The following ZNF608 variants were observed in gnomAD, a reference collection of about 807,000 sequenced individuals.
ZNF608 encodes renal carcinoma antigen NY-REN-36.
ZNF608 carries 12 observed loss-of-function variants against 109.0 expected under a neutral mutation model. The observed-to-expected ratio is 0.11, with a 90% confidence interval of 0.07 to 0.18. The LOEUF (loss-of-function observed/expected upper bound fraction) is 0.18. Ranked by LOEUF, ZNF608 falls within the 10% of genes least tolerant of loss-of-function variation. The probability of loss-of-function intolerance (pLI) is 1.00; values close to 1 mark genes in which losing one functional copy is unlikely to be tolerated. For missense variants in ZNF608, 1,707 were observed against 1,879.3 expected, an observed-to-expected ratio of 0.91 and a Z score of 1.70; for synonymous variants, 732 against 717.4, an observed-to-expected ratio of 1.02 and a Z score of -0.33.
At chr5:124,661,749 T>C (rs954004540) in intron 3 of ZNF608, among the ~76,000 whole-genome samples, 37 of 152,214 alleles carry the variant, frequency 2.4e-4, no homozygotes, top group Admixed American at 6.5e-4. Flanking sequence ...TGTAAATACG[T>C]GTGTTTACAC....
intron 2 of ZNF608, among the ~76,000 whole-genome samples, chr5:124,711,915 T>C (rs1404341443): frequency 1.3e-5 from 2 of 152,166 alleles, no homozygotes; most frequent in South Asian, 2.1e-4. Flanking sequence ...CGATTGTTAA[T>C]GTGGTAAAAA....
chr5:124,706,866 C>T (rs768329849), intron 2 of ZNF608, among the ~76,000 whole-genome samples: 12 of 152,172 alleles, frequency 7.9e-5, no homozygotes, highest in Non-Finnish European at 1.5e-4. Context: ...TTAGTGCATG[C>T]TGAGCAGTAG....
chr5:124,736,610 G>GCATC (rs1749164502), intron 2 of ZNF608, among the ~76,000 whole-genome samples: 12 of 151,916 alleles, frequency 7.9e-5, no homozygotes, highest in Admixed American at 5.9e-4. Context: ...CCTCCAGCAT[G>GCATC]GGGAAAATTT....
intron 3 of ZNF608, among the ~76,000 whole-genome samples, chr5:124,651,249 T>G (rs953330992): frequency 6.6e-6 from 1 of 152,154 alleles, no homozygotes; most frequent in Non-Finnish European, 1.5e-5. Flanking sequence ...AATTAGGCAT[T>G]TGGTCAAAAT....
chr5:124,654,629 C>G (rs541600837), intron 3 of ZNF608, among the ~76,000 whole-genome samples: 104 of 152,354 alleles, frequency 6.8e-4, no homozygotes, highest in Non-Finnish European at 1.1e-3. Flanking sequence ...CCTCCCCTTT[C>G]TGAGCTCACA....
intron 2 of ZNF608, among the ~76,000 whole-genome samples, chr5:124,706,134 G>A (rs1352328050): frequency 6.6e-6 from 1 of 152,194 alleles, no homozygotes; most frequent in African/African-American, 2.4e-5. Context: ...AAAGTAGCGT[G>A]TTAATGGAAG....
intron 2 of ZNF608, among the ~76,000 whole-genome samples, chr5:124,709,119 C>T (rs570853879): frequency 3.6e-4 from 49 of 136,970 alleles, no homozygotes; most frequent in African/African-American, 1.1e-3. Context: ...TGCAGTGGGC[C>T]GAGACTGCAC....
intron 3 of ZNF608, among the ~76,000 whole-genome samples, chr5:124,665,180 C>G (rs1480402282): frequency 7.4e-6 from 1 of 135,596 alleles, no homozygotes; most frequent in Non-Finnish European, 1.6e-5. Flanking sequence ...CACCTCCCCC[C>G]AAAAAAAAAA....
intron 2 of ZNF608, among the ~76,000 whole-genome samples, chr5:124,728,016 G>A (rs550282292): frequency 2.4e-4 from 37 of 152,270 alleles, no homozygotes; most frequent in African/African-American, 7.9e-4. Context: ...TGGGATTACA[G>A]GGGGTGAGCC....
intron 3 of ZNF608, among the ~76,000 whole-genome samples, chr5:124,682,176 G>A (rs1191707190): frequency 5.9e-5 from 9 of 152,162 alleles, no homozygotes; most frequent in Non-Finnish European, 1.3e-4. Context: ...AGGTTCAAGC[G>A]ATTCTCCTAC....
At chr5:124,696,219 G>A (rs562969223) in intron 3 of ZNF608, among the ~76,000 whole-genome samples, 15 of 151,770 alleles carry the variant, frequency 9.9e-5, no homozygotes, top group African/African-American at 3.1e-4. Flanking sequence ...GAGAGAGAGA[G>A]AATCATTTCT....
At chr5:124,681,659 C>T (rs1042888784) in intron 3 of ZNF608, among the ~76,000 whole-genome samples, 4 of 152,236 alleles carry the variant, frequency 2.6e-5, no homozygotes, top group Non-Finnish European at 4.4e-5. Context: ...TGAGGCAGGA[C>T]GATCCCTTGA....
At chr5:124,681,086 C>A (rs114220670) in intron 3 of ZNF608, among the ~76,000 whole-genome samples, 1,835 of 152,236 alleles carry the variant, frequency 0.012, 34 homozygotes, top group African/African-American at 0.042. Context: ...TAAAGAAATA[C>A]ATCTATAAAA....
At chr5:124,671,278 T>A (rs116096124) in intron 3 of ZNF608, among the ~76,000 whole-genome samples, 387 of 152,228 alleles carry the variant, frequency 2.5e-3, no homozygotes, top group African/African-American at 9.1e-3. Context: ...ACACACAATA[T>A]AAAGAGAAGC....
chr5:124,652,413 T>A (rs896857579), intron 3 of ZNF608, among the ~76,000 whole-genome samples: 1 of 152,228 alleles, frequency 6.6e-6, no homozygotes, highest in Non-Finnish European at 1.5e-5. Context: ...CCAAGGAGAT[T>A]TTGAACAGTC....
At chr5:124,657,993 A>T (rs1187500471) in intron 3 of ZNF608, among the ~76,000 whole-genome samples, 2 of 152,202 alleles carry the variant, frequency 1.3e-5, no homozygotes. Context: ...GCCAGCTTTA[A>T]AATAAAATAA....
rs549496597 is a variant in ZNF608 at position 124,744,255 on chromosome 5, A to G, written c.735T>C (p.Gly245=). Residue 245 remains glycine, a synonymous_variant, in exon 2 of 10, where the codon GGT becomes GGC. Transcript: ENST00000513986. The surrounding 1 kb of genome is among the most constrained non-coding windows in gnomAD (Gnocchi z 4.5). ...CCCCGCAGTGGAAGGGGCTCGCGCC[A>G]CCTCCATTGCTCTTGGCCCCAAAGC... ...LYGFGAKSNG[G]GASPFHCGGT... The G allele has an allele frequency of 6.2e-7, 1 of 1,613,104 alleles. No individual in the cohort carries two copies. Among genetic ancestry groups the G allele is most frequent in the Non-Finnish European group, 8.5e-7 (1 of 1,179,784 alleles).
intron 2 of ZNF608, among the ~76,000 whole-genome samples, chr5:124,715,151 A>C (rs1299473841): frequency 1.3e-5 from 2 of 152,230 alleles, no homozygotes; most frequent in Admixed American, 6.5e-5. Context: ...TCAAGAATTA[A>C]ATGAAACAAC....
chr5:124,659,424 T>C (rs1307969886), intron 3 of ZNF608, among the ~76,000 whole-genome samples: 1 of 152,192 alleles, frequency 6.6e-6, no homozygotes, highest in Non-Finnish European at 1.5e-5. Context: ...AGTCTGTTTC[T>C]TGCCCAATTC....
Sources: gnomAD v4.1 joint callset for allele counts (sites outside exome capture counted in the v4.1 genomes callset) on GRCh38, gnomAD v4.1.1 for gene constraint, Gnocchi (gnomAD v3.1) non-coding constraint, MANE v1.5 for transcripts, NCBI Gene and HGNC (gene_info 2026-07-23, HGNC 2026-07-21) for gene names.